HDGFL2: variants seen among roughly 807,000 people sequenced by gnomAD.
HDGFL2 encodes the protein HDGF like 2, also known as hepatoma-derived growth factor-related protein 2.
HDGFL2 carries 36 observed loss-of-function variants against 77.1 expected under a neutral mutation model. The observed-to-expected ratio is 0.47, with a 90% CI of 0.36 to 0.62. The LOEUF is 0.62. Among genes scored for constraint, HDGFL2 ranks in the 20% least tolerant of loss-of-function variants. HDGFL2 has a pLI of 0.00. For missense variants in HDGFL2, 976 were observed against 973.4 expected (o/e 1.00, Z -0.04); for synonymous variants, 463 against 413.1 (o/e 1.12, Z -1.46).
chr19:4,476,625 C>T (rs753821756), intron 3 of HDGFL2, among the ~76,000 whole-genome samples: 1 of 150,502 alleles, frequency 6.6e-6, no homozygotes, highest in Non-Finnish European at 1.5e-5. Context: ...AGTGAAAAGT[C>T]TGTAGTGTGT....
chr19:4,498,284 G>A (rs1030989398), intron 11 of HDGFL2, 22 bp from the exon 12 acceptor site: 24 of 1,606,472 alleles, frequency 1.5e-5, no homozygotes, highest in African/African-American at 9.4e-5. Flanking sequence ...GGGCCCACAC[G>A]GTGCTCTCTC....
At chr19:4,490,513 C>T (rs77655458) in intron 4 of HDGFL2, among the ~76,000 whole-genome samples, 15,157 of 152,220 alleles carry the variant, frequency 0.1, 943 homozygotes, top group South Asian at 0.21. Flanking sequence ...CTGCCGTGAA[C>T]GTTTCTGTAC....
chr19:4,485,637 G>A (rs181927389), intron 3 of HDGFL2, among the ~76,000 whole-genome samples: 2,298 of 152,038 alleles, frequency 0.015, 21 homozygotes, highest in Non-Finnish European at 0.023. Flanking sequence ...AGCTACTTGG[G>A]AGGCTGAGGC....
intron 3 of HDGFL2, among the ~76,000 whole-genome samples, chr19:4,480,487 G>A (rs1975185744): frequency 6.6e-6 from 1 of 152,312 alleles, no homozygotes; most frequent in Admixed American, 6.5e-5. Context: ...GGGAGGCCGA[G>A]GCAGGTGGAT....
chr19:4,493,418 A>G (rs1975601773), intron 6 of HDGFL2, among the ~76,000 whole-genome samples: 2 of 151,996 alleles, frequency 1.3e-5, no homozygotes, highest in South Asian at 4.1e-4. Context: ...ATAAAGAAAA[A>G]GATGTCCCCA....
rs746743885 is a variant in HDGFL2, at chr19:4,472,304, A to G, written c.-47A>G. On this transcript the variant is annotated 5_prime_UTR_variant, in exon 1 of 16. Coordinates refer to ENST00000616600, the MANE Select transcript of HDGFL2 (RefSeq NM_001001520.3). ...CGCCGCCGCCGCCGCCGCAGCCGCT[A>G]CCGCCGCTGCAGCCGCTTTCCGCGG... The G allele has an allele frequency of 3.3e-5, 46 of 1,382,656 alleles. No individual in the cohort carries two copies. Among genetic ancestry groups the G allele is most frequent in the Non-Finnish European group, 3.4e-5 (36 of 1,049,122 alleles). The allele number at this position is 1,382,656 out of a possible 1,614,324, so 85.6% of individuals were successfully genotyped here. A position where few individuals can be genotyped will look rare whatever the true frequency, so the allele number is the denominator to read the frequency against.
chr19:4,480,235 G>A (rs1216102271), intron 3 of HDGFL2, among the ~76,000 whole-genome samples: 4 of 152,148 alleles, frequency 2.6e-5, no homozygotes, highest in Non-Finnish European at 5.9e-5. Context: ...ACCTGTCCAG[G>A]GTTCTCAAGC....
intron 6 of HDGFL2, among the ~76,000 whole-genome samples, chr19:4,492,906 GGT>G (rs1344194555): frequency 7.1e-6 from 1 of 140,738 alleles, no homozygotes; most frequent in Non-Finnish European, 1.5e-5. Context: ...GTGTGTGTGT[GGT>G]GTCTGTGTGG....
intron 9 of HDGFL2, 76 bp downstream of exon 9, chr19:4,494,551 A>T: frequency 8.9e-7 from 1 of 1,125,658 alleles, no homozygotes; most frequent in Non-Finnish European, 1.1e-6. Flanking sequence ...AGGAGGCAGT[A>T]TCCCAGGTTC....
intron 3 of HDGFL2, among the ~76,000 whole-genome samples, chr19:4,482,190 G>A (rs912464237): frequency 6.9e-6 from 1 of 145,778 alleles, no homozygotes; most frequent in Non-Finnish European, 1.5e-5. Flanking sequence ...GGCTTACTGC[G>A]CCCTGGCCTT....
At chr19:4,476,739 G>C (rs750343593) in intron 3 of HDGFL2, among the ~76,000 whole-genome samples, 1 of 151,584 alleles carries the variant, frequency 6.6e-6, no homozygotes, top group Non-Finnish European at 1.5e-5. Context: ...AAGGAATTTA[G>C]AAAAGCGGAA....
chr19:4,477,771 T>G (rs543770958), intron 3 of HDGFL2, among the ~76,000 whole-genome samples: 1 of 152,226 alleles, frequency 6.6e-6, no homozygotes, highest in African/African-American at 2.4e-5. Context: ...TGCTTCTAGA[T>G]GGAACGTGTG....
At chr19:4,495,349 C>T (rs1975673134) in intron 9 of HDGFL2, among the ~76,000 whole-genome samples, 1 of 132,530 alleles carries the variant, frequency 7.5e-6, no homozygotes, top group African/African-American at 2.8e-5. Context: ...GATTGTGCCA[C>T]TGCACTCCAG....
chr19:4,483,022 G>GA (rs1302581680), intron 3 of HDGFL2, among the ~76,000 whole-genome samples: 2 of 152,210 alleles, frequency 1.3e-5, no homozygotes, highest in African/African-American at 4.8e-5. Flanking sequence ...GCTCCAAAGA[G>GA]AAACCCCAGG....
At chr19:4,494,536 T>G (rs1975650730) in intron 9 of HDGFL2, 61 bp downstream of exon 9, 5 of 1,193,242 alleles carry the variant, frequency 4.2e-6, no homozygotes, top group Admixed American at 4.0e-5. Context: ...GAGCATCTAC[T>G]AGGTAGGAGG....
At chr19:4,501,160 C>T (rs1254643977) in intron 14 of HDGFL2, 31 bp from the exon 15 acceptor site, 1 of 1,611,972 alleles carries the variant, frequency 6.2e-7, no homozygotes, top group South Asian at 1.1e-5. Context: ...TGGAGCCCAG[C>T]AGTGTCCTGT....
At chr19:4,499,437 C>T (rs534487713) in intron 13 of HDGFL2, 54 bp from the exon 14 acceptor site, 29 of 1,547,588 alleles carry the variant, frequency 1.9e-5, no homozygotes, top group African/African-American at 1.8e-4. Context: ...GGTTCAGAGC[C>T]GGGGCTAGGG....
intron 3 of HDGFL2, among the ~76,000 whole-genome samples, chr19:4,488,423 A>C (rs1975416208): frequency 6.6e-6 from 1 of 152,180 alleles, no homozygotes; most frequent in Non-Finnish European, 1.5e-5. Flanking sequence ...AGAGGGTTGA[A>C]GTCATTTGCC....
chr19:4,498,380 A>T lies in HDGFL2; in HGVS notation c.1473+4A>T, dbSNP rs772875166. 26 of 1,611,284 alleles carry T rather than the reference A, an allele frequency of 1.6e-5. No individual in the cohort carries two copies. Reference sequence around the variant, plus strand: ...TGCCCTAAAGGTCGACAGCCCGGTAAGACCCTCAGGGCCTGTGAGCCAAGC... The same window carrying T: ...TGCCCTAAAGGTCGACAGCCCGGTATGACCCTCAGGGCCTGTGAGCCAAGC... On this transcript the variant is annotated splice_donor_region_variant and intron_variant, in intron 12 of 15. Transcript: ENST00000616600.
Sources: allele counts gnomAD v4.1 joint callset (sites outside exome capture counted in the v4.1 genomes callset), GRCh38; gene constraint gnomAD v4.1.1; transcripts MANE v1.5; gene names NCBI Gene and HGNC (gene_info 2026-07-23, HGNC 2026-07-21).